TPRG1: variants seen among roughly 807,000 people sequenced by gnomAD.
TPRG1 encodes the protein tumor protein p63-regulated gene 1 protein.
Under a neutral mutation model 29.3 loss-of-function variants are expected in TPRG1, and 29 were observed. The ratio of observed to expected loss-of-function variants is 0.99; its 90% CI spans 0.74 to 1.35. The LOEUF is 1.35. Among genes scored for constraint, TPRG1 ranks in the 40% most tolerant of loss-of-function variants. The pLI is 0.00. For missense variants in TPRG1, 327 were observed against 335.0 expected (o/e 0.98, Z 0.19); for synonymous variants, 130 against 116.8 (o/e 1.11, Z -0.73).
In TPRG1 at chr3:189,020,069, G is replaced by A. The variant is rs1481411431; in HGVS notation, c.-659-3681G>A. 2.4e-3 allele frequency among the ~76,000 whole-genome samples: 369 copies of A among 152,126 alleles called. 4 individuals are homozygous for A. The highest frequency in any genetic ancestry group is 2.9e-3 in the East Asian group (15 of 5,180). The stretch of plus-strand genomic sequence containing the variant: ...TGGTAGTTTGTATTTCTGTGGGATC[G>A]GTGGTGATACCCCTTTATCATTTTT... On this transcript the variant is annotated intron_variant, in intron 3 of 10. Transcript: ENST00000433971.
intron 3 of TPRG1, among the ~76,000 whole-genome samples, chr3:189,011,548 G>A (rs1712602536): frequency 6.6e-6 from 1 of 152,154 alleles, no homozygotes; most frequent in Non-Finnish European, 1.5e-5. Context: ...TACTTAGATG[G>A]TGGCAGGCAA....
chr3:189,221,107 G>A (rs1406509046), intron 3 of TPRG1, among the ~76,000 whole-genome samples: 4 of 152,128 alleles, frequency 2.6e-5, no homozygotes, highest in Middle Eastern at 6.4e-3. Flanking sequence ...TATCAGTGGG[G>A]CAGAGTAAGA....
chr3:189,219,130 A>G (rs578228091), intron 3 of TPRG1, among the ~76,000 whole-genome samples: 2 of 152,324 alleles, frequency 1.3e-5, no homozygotes, highest in South Asian at 2.1e-4. Flanking sequence ...AAAACAATGC[A>G]TATGTTGTTT....
intron 4 of TPRG1, among the ~76,000 whole-genome samples, chr3:189,267,032 T>A (rs1186575602): frequency 6.6e-6 from 1 of 152,086 alleles, no homozygotes; most frequent in Non-Finnish European, 1.5e-5. Context: ...AATACAGTTA[T>A]GTATCACACA....
intron 4 of TPRG1, among the ~76,000 whole-genome samples, chr3:189,283,434 GAAAC>G (rs1011958575): frequency 2.0e-5 from 3 of 152,092 alleles, no homozygotes; most frequent in Admixed American, 6.5e-5. Flanking sequence ...TAGAAATTAA[GAAAC>G]AAACAAGATT....
At chr3:189,230,216 T>C (rs1738425380) in intron 3 of TPRG1, among the ~76,000 whole-genome samples, 1 of 152,086 alleles carries the variant, frequency 6.6e-6, no homozygotes, top group Non-Finnish European at 1.5e-5. Context: ...CTCTTACTGA[T>C]GGTAGTGCAG....
At chr3:189,003,870 C>T (rs1026718754) in intron 2 of TPRG1, among the ~76,000 whole-genome samples, 1 of 152,008 alleles carries the variant, frequency 6.6e-6, no homozygotes, top group Non-Finnish European at 1.5e-5. Flanking sequence ...CTGAAACTCA[C>T]AGCTGTATAC....
intron 3 of TPRG1, among the ~76,000 whole-genome samples, chr3:189,013,996 T>A (rs1228908969): frequency 6.6e-6 from 1 of 152,184 alleles, no homozygotes; most frequent in Non-Finnish European, 1.5e-5. Context: ...CCATGTCGTC[T>A]TCTTACATTT....
chr3:189,112,500 T>C, intron 1 of TPRG1, among the ~76,000 whole-genome samples: 1 of 152,220 alleles, frequency 6.6e-6, no homozygotes, highest in East Asian at 1.9e-4. Flanking sequence ...AGGGTTTTTA[T>C]GGTTTTAGGT....
At chr3:189,155,564 G>C (rs550939103) in intron 5 of TPRG1, among the ~76,000 whole-genome samples, 1 of 152,038 alleles carries the variant, frequency 6.6e-6, no homozygotes, top group African/African-American at 2.4e-5. Flanking sequence ...TAGAAGTCAG[G>C]TATGGAAGTG....
At chr3:189,132,126 A>C (rs996219410) in intron 2 of TPRG1, among the ~76,000 whole-genome samples, 3 of 152,218 alleles carry the variant, frequency 2.0e-5, no homozygotes, top group African/African-American at 7.2e-5. Context: ...TGTATTCCAG[A>C]ACCACCCTGT....
chr3:189,170,518 G>C (rs1728693656), upstream of TPRG1, among the ~76,000 whole-genome samples: 1 of 152,210 alleles, frequency 6.6e-6, no homozygotes, highest in Non-Finnish European at 1.5e-5. Context: ...TTAGGATCCT[G>C]TCTGTGGTGC....
At chr3:189,003,975 CT>C (rs1712160959) in intron 2 of TPRG1, among the ~76,000 whole-genome samples, 1 of 152,100 alleles carries the variant, frequency 6.6e-6, no homozygotes, top group Non-Finnish European at 1.5e-5. Flanking sequence ...GCCCTTGCCC[CT>C]GATTAAATCT....
intron 1 of TPRG1, among the ~76,000 whole-genome samples, chr3:188,999,477 G>A (rs906515988): frequency 2.0e-5 from 3 of 152,154 alleles, no homozygotes; most frequent in East Asian, 1.9e-4. Flanking sequence ...ATGCACAGGG[G>A]TTAGGAGCAG....
At chr3:189,052,345 C>G (rs1302774969) in intron 4 of TPRG1, among the ~76,000 whole-genome samples, 1 of 152,144 alleles carries the variant, frequency 6.6e-6, no homozygotes, top group East Asian at 1.9e-4. Context: ...AAAAAATGCT[C>G]AACATCACTG....
chr3:189,064,509 A>T (rs1431199465), intron 4 of TPRG1, among the ~76,000 whole-genome samples: 1 of 152,224 alleles, frequency 6.6e-6, no homozygotes, highest in Admixed American at 6.6e-5. Flanking sequence ...CGAAGCAAGC[A>T]TAAGAAAAAA....
intron 1 of TPRG1, 101 bp downstream of exon 1, chr3:189,172,232 AC>A (rs1463005918): frequency 1.3e-5 from 2 of 152,122 alleles, no homozygotes; most frequent in African/African-American, 4.8e-5. Flanking sequence ...CACCTCCCCC[AC>A]TGACTTGCAG....
At chr3:189,284,115 G>A (rs961156531) in intron 4 of TPRG1, among the ~76,000 whole-genome samples, 3 of 151,844 alleles carry the variant, frequency 2.0e-5, no homozygotes, top group African/African-American at 4.8e-5. Flanking sequence ...TTGGATAAAT[G>A]TTTCTCCATT....
At chr3:189,075,225 C>T (rs988107022) in intron 4 of TPRG1, among the ~76,000 whole-genome samples, 11 of 152,094 alleles carry the variant, frequency 7.2e-5, no homozygotes, top group Non-Finnish European at 1.3e-4. Context: ...CTCTGCCTCC[C>T]GGGTGCAAGT....
Sources: allele counts gnomAD v4.1 joint callset (sites outside exome capture counted in the v4.1 genomes callset), GRCh38; gene constraint gnomAD v4.1.1; transcripts MANE v1.5; gene names NCBI Gene and HGNC (gene_info 2026-07-23, HGNC 2026-07-21).